The following CCSER1 variants were observed in gnomAD, a reference collection of about 807,000 sequenced individuals.
CCSER1 encodes the protein serine-rich coiled-coil domain-containing protein 1.
CCSER1 carries 41 observed loss-of-function variants against 82.0 expected under a neutral mutation model. The ratio of observed to expected loss-of-function variants is 0.50; its 90% confidence interval spans 0.39 to 0.65. CCSER1 has a LOEUF of 0.65. Among genes scored for constraint, CCSER1 ranks in the 30% least tolerant of loss-of-function variants. The pLI is 0.00. For missense variants in CCSER1, 1,119 were observed against 1,064.2 expected (o/e 1.05, Z -0.72); for synonymous variants, 414 against 383.9 (o/e 1.08, Z -0.92).
intron 10 of CCSER1, among the ~76,000 whole-genome samples, chr4:91,306,853 G>T (rs1239568946): frequency 6.6e-6 from 1 of 151,986 alleles, no homozygotes; most frequent in Non-Finnish European, 1.5e-5. Flanking sequence ...AGTTAGGCAA[G>T]TCATTTTATT....
intron 10 of CCSER1, among the ~76,000 whole-genome samples, chr4:91,142,615 T>C (rs1038204134): frequency 1.3e-5 from 2 of 152,194 alleles, no homozygotes; most frequent in African/African-American, 4.8e-5. Flanking sequence ...TTTAAATCTT[T>C]AATCCACCTA....
At chr4:91,132,729 G>A (rs1046613563) in intron 10 of CCSER1, among the ~76,000 whole-genome samples, 2 of 152,112 alleles carry the variant, frequency 1.3e-5, no homozygotes, top group South Asian at 2.1e-4. Context: ...CATTTATGAA[G>A]TATTAGAAAA....
chr4:90,347,484 T>C (rs899163396), intron 3 of CCSER1, among the ~76,000 whole-genome samples: 13 of 152,218 alleles, frequency 8.5e-5, no homozygotes, highest in Non-Finnish European at 1.6e-4. Flanking sequence ...TCCAAAAATA[T>C]GAAATGGAAA....
At chr4:91,153,987 T>C (rs1402344429) in intron 10 of CCSER1, among the ~76,000 whole-genome samples, 1 of 151,916 alleles carries the variant, frequency 6.6e-6, no homozygotes, top group Non-Finnish European at 1.5e-5. Flanking sequence ...AGTCTGTCCA[T>C]CCTCAGATCT....
chr4:91,599,244 G>A lies in CCSER1; in HGVS notation c.*187G>A. ...TTTTTTTTTCCAAGAGTGAAAGTTT[G>A]AGCATGTTAATTGAACTAGGTTGCA... On this transcript the variant is annotated 3_prime_UTR_variant, in exon 11 of 11. Transcript: ENST00000509176. 1 of 667,136 alleles carries A rather than the reference G, an allele frequency of 1.5e-6. No individual in the cohort carries two copies. Among genetic ancestry groups the A allele is most frequent in the Non-Finnish European group, 2.4e-6 (1 of 421,420 alleles). The allele number at this position is 667,136 out of a possible 1,614,324, so 41.3% of individuals were successfully genotyped here. A position where few individuals can be genotyped will look rare whatever the true frequency, so the allele number is the denominator to read the frequency against.
intron 4 of CCSER1, among the ~76,000 whole-genome samples, chr4:90,415,221 T>C (rs1182698088): frequency 6.6e-6 from 1 of 152,212 alleles, no homozygotes; most frequent in African/African-American, 2.4e-5. Flanking sequence ...TTTGCTCACA[T>C]GTCTTCATAA....
At chr4:91,020,639 G>A (rs2150525870) in intron 9 of CCSER1, among the ~76,000 whole-genome samples, 1 of 151,962 alleles carries the variant, frequency 6.6e-6, no homozygotes, top group East Asian at 1.9e-4. Flanking sequence ...TCCAGCCTGG[G>A]TGACAGAGCG....
chr4:91,364,568 TATG>T (rs527538209), intron 10 of CCSER1, among the ~76,000 whole-genome samples: 232 of 152,186 alleles, frequency 1.5e-3, no homozygotes, highest in African/African-American at 5.3e-3. Flanking sequence ...CTCTCAACTG[TATG>T]ATATTATATG....
intron 3 of CCSER1, among the ~76,000 whole-genome samples, chr4:90,323,831 CA>C (rs1737620777): frequency 6.6e-6 from 1 of 152,168 alleles, no homozygotes; most frequent in African/African-American, 2.4e-5. Flanking sequence ...CTTCCCACCC[CA>C]CAACAGTCCC....
intron 9 of CCSER1, among the ~76,000 whole-genome samples, chr4:91,033,785 T>C (rs1411019403): frequency 6.6e-6 from 1 of 152,146 alleles, no homozygotes; most frequent in African/African-American, 2.4e-5. Flanking sequence ...CAAATATTTC[T>C]GCTACAGCAG....
chr4:90,163,640 A>G (rs909648285), intron 1 of CCSER1, among the ~76,000 whole-genome samples: 4 of 152,078 alleles, frequency 2.6e-5, no homozygotes, highest in Non-Finnish European at 4.4e-5. Context: ...GACAAGAGGT[A>G]TTTTCTATTG....
chr4:91,513,378 G>T (rs889187933), intron 10 of CCSER1, among the ~76,000 whole-genome samples: 1 of 152,060 alleles, frequency 6.6e-6, no homozygotes, highest in Non-Finnish European at 1.5e-5. Context: ...ATATTGTTGA[G>T]AATTTTTACA....
rs548176645 is a variant in CCSER1 at position 91,379,342 on chromosome 4, G to A, written c.2218-219230G>A. ...GAAGGAATGGTCCCAGCTCCTCCTT[G>A]TACCTCTGGTAGAATTCGGCTGTGA... On this transcript the variant is annotated intron_variant, in intron 10 of 10. Transcript: ENST00000509176. Among the ~76,000 whole-genome samples, 456 of 152,236 alleles carry A rather than the reference G, an allele frequency of 3.0e-3. 1 individual carries two copies. The highest frequency in any genetic ancestry group is 0.01 in the African/African-American group (430 of 41,526).
chr4:90,338,096 T>A (rs917092429), intron 3 of CCSER1, among the ~76,000 whole-genome samples: 1 of 152,202 alleles, frequency 6.6e-6, no homozygotes, highest in East Asian at 1.9e-4. Context: ...AGAAACACTT[T>A]TGACTCTTTG....
chr4:91,460,676 G>A (rs1756451197), intron 10 of CCSER1, among the ~76,000 whole-genome samples: 1 of 152,116 alleles, frequency 6.6e-6, no homozygotes, highest in African/African-American at 2.4e-5. Flanking sequence ...ATCAACAACT[G>A]TGTTGATCCC....
chr4:90,786,599 A>G (rs997107245), intron 7 of CCSER1, among the ~76,000 whole-genome samples: 28 of 152,178 alleles, frequency 1.8e-4, no homozygotes, highest in African/African-American at 6.8e-4. Context: ...TTAAAATTCC[A>G]TTTACAAACA....
In CCSER1 at chr4:90,933,078, GAA is replaced by G. The variant is rs1554046222; in HGVS notation, c.2172+9633_2172+9634del. On this transcript the variant is annotated intron_variant, in intron 9 of 10. Coordinates refer to ENST00000509176, the MANE Select transcript of CCSER1 (RefSeq NM_001145065.2). ...GGAACGAAGGAAAGAAGAAAAGAAAGAAAGAAAAGAAAAGAAAGAAAGAAACA... is the reference window on the plus strand; with the variant it reads ...GGAACGAAGGAAAGAAGAAAAGAAAGAGAAAAGAAAAGAAAGAAAGAAACA... Among the ~76,000 whole-genome samples the G allele has an allele frequency of 3.8e-5, 4 of 105,892 alleles. No homozygotes were observed. In the East Asian group the frequency reaches 9.9e-4, roughly 26 times the overall value. 69.5% of individuals were successfully genotyped at this position (105,892 alleles called of 152,430 possible).
chr4:90,922,344 G>A (rs1728507394), intron 8 of CCSER1, among the ~76,000 whole-genome samples: 1 of 151,936 alleles, frequency 6.6e-6, no homozygotes, highest in South Asian at 2.1e-4. Flanking sequence ...AGGGAGGTGA[G>A]GATGGAAGAG....
At chr4:90,193,764 A>G (rs1736076515) in intron 1 of CCSER1, among the ~76,000 whole-genome samples, 1 of 152,040 alleles carries the variant, frequency 6.6e-6, no homozygotes, top group Admixed American at 6.6e-5. Flanking sequence ...ACCTCATTTG[A>G]TAAAAAAGAA....
Sources: gnomAD v4.1 joint callset for allele counts (sites outside exome capture counted in the v4.1 genomes callset) on GRCh38, gnomAD v4.1.1 for gene constraint, MANE v1.5 for transcripts, NCBI Gene and HGNC (gene_info 2026-07-23, HGNC 2026-07-21) for gene names.